HLA-DRB5: variants seen among roughly 807,000 people sequenced by gnomAD.
The protein encoded by HLA-DRB5 is major histocompatibility complex, class II, DR beta 5.
A neutral mutation model predicts 22.4 loss-of-function variants in HLA-DRB5; 11 were observed. The observed-to-expected ratio is 0.49, with a 90% CI of 0.31 to 0.81. HLA-DRB5 has a LOEUF of 0.81. HLA-DRB5 is among the 40% of genes least tolerant of loss of function. The pLI is 0.05. For synonymous variants in HLA-DRB5, 57 were observed against 106.0 expected (o/e 0.54, Z 2.84); for missense variants, 106 against 274.4 (o/e 0.39, Z 4.34).
intron 2 of HLA-DRB5, among the ~76,000 whole-genome samples, chr6:32,520,762 G>T (rs185170828): frequency 5.6e-4 from 20 of 35,490 alleles, no homozygotes; most frequent in African/African-American, 6.9e-4. Context: ...ATTAATAAAA[G>T]TTTTGGAATA....
At chr6:32,527,114 T>TG (rs1450632846) in intron 1 of HLA-DRB5, among the ~76,000 whole-genome samples, 39 of 98,370 alleles carry the variant, frequency 4.0e-4, no homozygotes, top group South Asian at 1.1e-3. Context: ...CTATTTTCCC[T>TG]GAGGATTCCC....
intron 1 of HLA-DRB5, among the ~76,000 whole-genome samples, 160 bp downstream of exon 1, chr6:32,529,965 T>G (rs1466953706): frequency 0.051 from 5,725 of 111,456 alleles, no homozygotes; most frequent in East Asian, 0.084. Flanking sequence ...GTAGTCAAGC[T>G]CCTTTTGTGG....
chr6:32,526,004 A>C (rs1769573616), intron 1 of HLA-DRB5, among the ~76,000 whole-genome samples: 1 of 82,622 alleles, frequency 1.2e-5, no homozygotes, highest in East Asian at 3.1e-4. Flanking sequence ...TCTCTGGTTC[A>C]CAGGTCCTCC....
At chr6:32,519,999 G>C (rs145437633) in intron 2 of HLA-DRB5, among the ~76,000 whole-genome samples, 1,306 of 31,430 alleles carry the variant, frequency 0.042, 8 homozygotes, top group Middle Eastern at 0.17. Flanking sequence ...ACTGGTTGAT[G>C]CTGGAAGAGT....
At chr6:32,518,175 C>T (rs147842166) in intron 4 of HLA-DRB5, 98 bp from the exon 5 acceptor site, 1 of 199,716 alleles carries the variant, frequency 5.0e-6, no homozygotes. Context: ...CCTGAGATTT[C>T]TCTAACACCA....
At chr6:32,527,092 G>A (rs867864878) in intron 1 of HLA-DRB5, among the ~76,000 whole-genome samples, 3,877 of 42,884 alleles carry the variant, frequency 0.09, 1,455 homozygotes, top group Non-Finnish European at 0.11. Context: ...TTTATCACTA[G>A]TGAACTCAAG....
intron 1 of HLA-DRB5, among the ~76,000 whole-genome samples, chr6:32,529,721 G>T: frequency 7.9e-6 from 1 of 126,562 alleles, no homozygotes; most frequent in Admixed American, 7.8e-5. Flanking sequence ...GATTGTCTAG[G>T]AGAGACCCTT....
rs139866256 is a variant in HLA-DRB5 at position 32,528,241 on chromosome 6, T to C, written c.100+1884A>G. Among the ~76,000 whole-genome samples the C allele has an allele frequency of 0.011, 1,406 of 131,444 alleles. 1 individual carries two copies. The East Asian group carries it at 0.11, about 11-fold the overall frequency. The allele number at this position is 131,444 out of a possible 152,430, so 86.2% of individuals were successfully genotyped here. A position where few individuals can be genotyped will look rare whatever the true frequency, so the allele number is the denominator to read the frequency against. On this transcript the variant is annotated intron_variant, in intron 1 of 5. Coordinates refer to ENST00000374975, the MANE Select transcript of HLA-DRB5 (RefSeq NM_002125.4). Reference sequence around the variant, plus strand: ...ATTTCTCTCTTTTCCACAAACCTGATGTCTTTTCTTCAGTGCACTATGACT... The same window carrying C: ...ATTTCTCTCTTTTCCACAAACCTGACGTCTTTTCTTCAGTGCACTATGACT...
In HLA-DRB5 at chr6:32,521,937, C is replaced by T. The variant is rs1768954532; in HGVS notation, c.338G>A (p.Gly113Glu). The T allele has an allele frequency of 6.4e-7, 1 of 1,552,590 alleles. No individual in the cohort carries two copies. The highest frequency in any genetic ancestry group is 8.8e-7 in the Non-Finnish European group (1 of 1,135,944). ...CTGCACTGTGAAGCTCTCACCAACC[C>T]CGTAGTTGTGTCTGCAGTAGGTGTC... The part of the protein sequence containing the change: ...AVDTYCRHNY[G>E]VGESFTVQRR... Residue 113 changes from glycine to glutamate, a missense_variant, in exon 2 of 6, where the codon GGG becomes GAG. By Grantham distance (98) the Gly-to-Glu change is moderately conservative. Coordinates refer to ENST00000374975, the MANE Select transcript of HLA-DRB5 (RefSeq NM_002125.4).
At chr6:32,518,886 C>CGCAACTTCA (rs1768441761) in intron 3 of HLA-DRB5, among the ~76,000 whole-genome samples, 1 of 50,986 alleles carries the variant, frequency 2.0e-5, no homozygotes, top group African/African-American at 7.2e-5. Flanking sequence ...TGATGTAAGG[C>CGCAACTTCA]ACGGCTTCAA....
In HLA-DRB5 at chr6:32,530,141, C is replaced by T; in HGVS notation, c.84G>A (p.Leu28=). The change falls in exon 1 of 6, where the codon TTG becomes TTA. Residue 28 remains leucine, a synonymous_variant. Coordinates refer to ENST00000374975, the MANE Select transcript of HLA-DRB5 (RefSeq NM_002125.4). Reference sequence around the variant, plus strand: ...TGCACTTACGTCGGGTGTCCCCAGCCAAAGCCAGTGGGGAGCTCAGCACCA... The same window carrying T: ...TGCACTTACGTCGGGTGTCCCCAGCTAAAGCCAGTGGGGAGCTCAGCACCA... The part of the protein sequence containing the change: ...TLMVLSSPLA[L]AGDTRPRFLQ... 6.9e-7 allele frequency: 1 copy of T among 1,450,502 alleles called. No individual in the cohort carries two copies. 89.9% of individuals were successfully genotyped at this position (1,450,502 alleles called of 1,614,324 possible). A position where few individuals can be genotyped will look rare whatever the true frequency, so the allele number is the denominator to read the frequency against.
intron 1 of HLA-DRB5, among the ~76,000 whole-genome samples, chr6:32,525,064 C>T (rs1438781405): frequency 1.0e-3 from 61 of 60,650 alleles, no homozygotes; most frequent in Non-Finnish European, 1.2e-3. Flanking sequence ...TACATTGGAA[C>T]TAGAAGCCCT....
At chr6:32,525,890 A>G (rs1459287502) in intron 1 of HLA-DRB5, among the ~76,000 whole-genome samples, 2 of 72,338 alleles carry the variant, frequency 2.8e-5, no homozygotes. Context: ...TAAGTCACTA[A>G]TAAATATGGG....
In HLA-DRB5 at chr6:32,521,811, TCACACACACACA is replaced by T. The variant is rs771632640; in HGVS notation, c.370+82_370+93del. 2.0e-4 allele frequency: 50 copies of T among 249,294 alleles called. 3 individuals carry two copies. The highest frequency in any genetic ancestry group is 6.4e-4 in the East Asian group (10 of 15,528). The allele number at this position is 249,294 out of a possible 1,614,324, so 15.4% of individuals were successfully genotyped here. A position where few individuals can be genotyped will look rare whatever the true frequency, so the allele number is the denominator to read the frequency against. ...CTCTGTCTCTCTCTTCCTCTCTCTCTCACACACACACACACACACACACACACACACACACAC... is the reference window on the plus strand; with the variant it reads ...CTCTGTCTCTCTCTTCCTCTCTCTCTCACACACACACACACACACACACAC... On this transcript the variant is annotated intron_variant, in intron 2 of 5. Coordinates refer to ENST00000374975, the MANE Select transcript of HLA-DRB5 (RefSeq NM_002125.4).
chr6:32,526,465 C>G (rs78250111), intron 1 of HLA-DRB5, among the ~76,000 whole-genome samples: 9,235 of 41,510 alleles, frequency 0.22, 3,322 homozygotes, highest in Admixed American at 0.27. Context: ...CACAGTACAC[C>G]TATTGATGCC....
At chr6:32,520,362 A>G (rs114982880) in intron 2 of HLA-DRB5, among the ~76,000 whole-genome samples, 7,063 of 54,922 alleles carry the variant, frequency 0.13, no homozygotes, top group Middle Eastern at 0.19. Flanking sequence ...ACAACACAGA[A>G]ATGGTTGTGC....
rs748457600 is a variant in HLA-DRB5, at chr6:32,522,095, G to A, written c.180C>T (p.Ile60=). 4.5e-5 allele frequency: 55 copies of A among 1,234,534 alleles called. 3 individuals carry two copies. The East Asian group carries it at 1.3e-3, about 30-fold the overall frequency. The allele number at this position is 1,234,534 out of a possible 1,614,324, so 76.5% of individuals were successfully genotyped here. A position where few individuals can be genotyped will look rare whatever the true frequency, so the allele number is the denominator to read the frequency against. The change falls in exon 2 of 6, where the codon ATC becomes ATT. Residue 60 remains isoleucine (I), a synonymous_variant. Transcript: ENST00000374975. ...AGCGCAAGTCCTCCTCTTGGTTATAGATGTCTCTGTGCAGGAACCGCACCC... is the reference window on the plus strand; with the variant it reads ...AGCGCAAGTCCTCCTCTTGGTTATAAATGTCTCTGTGCAGGAACCGCACCC... ...TERVRFLHRD[I]YNQEEDLRFD...
At chr6:32,519,792 G>C (rs375916194) in intron 2 of HLA-DRB5, 141 bp from the exon 3 acceptor site, 79 of 397,866 alleles carry the variant, frequency 2.0e-4, no homozygotes, top group Admixed American at 2.7e-4. Flanking sequence ...GCCTCACAGT[G>C]TCATCAGCCT....
chr6:32,527,155 C>T (rs878993320), intron 1 of HLA-DRB5, among the ~76,000 whole-genome samples: 2,664 of 91,420 alleles, frequency 0.029, 11 homozygotes, highest in East Asian at 0.046. Context: ...TTCCTAACCA[C>T]TTGTCAACCC....
Sources: gnomAD v4.1 joint callset for allele counts (sites outside exome capture counted in the v4.1 genomes callset) on GRCh38, gnomAD v4.1.1 for gene constraint, MANE v1.5 for transcripts, NCBI Gene and HGNC (gene_info 2026-07-23, HGNC 2026-07-21) for gene names.